The following ASH2L variants were observed in gnomAD, a reference collection of about 807,000 sequenced individuals.
The protein encoded by ASH2L is set1/Ash2 histone methyltransferase complex subunit ASH2.
ASH2L carries 30 observed loss-of-function variants against 81.1 expected under a neutral mutation model. The ratio of observed to expected loss-of-function variants is 0.37; its 90% CI spans 0.28 to 0.50. ASH2L has a LOEUF of 0.50. Among genes scored for constraint, ASH2L ranks in the 20% least tolerant of loss-of-function variants. ASH2L has a pLI of 0.95. For synonymous variants in ASH2L, 273 were observed against 279.9 expected (o/e 0.98, Z 0.24); for missense variants, 559 against 792.1 (o/e 0.71, Z 3.53).
At position 38,114,264 on chromosome 8, in the gene ASH2L, C is replaced by A; in HGVS notation, c.658C>A (p.Pro220Thr). Residue 220 changes from proline to threonine, a missense_variant, in exon 6 of 16, where the codon CCA becomes ACA. Pro to Thr is a conservative substitution (Grantham distance 38). Coordinates refer to ENST00000343823, the MANE Select transcript of ASH2L (RefSeq NM_004674.5). ...ACAGAGACCTGGGAAAATGACTTGG[C>A]CAAATAACATTGTTAAAACAATGGT... ...TRQRPGKMTW[P>T]NNIVKTMSKE... is the part of the protein sequence containing the mutation. 2 of 1,603,668 alleles carry A rather than the reference C, an allele frequency of 1.2e-6. No individual in the cohort carries two copies. Among genetic ancestry groups the A allele is most frequent in the Non-Finnish European group, 1.7e-6 (2 of 1,174,232 alleles).
chr8:38,110,255 T>G, intron 3 of ASH2L, 124 bp from the exon 4 acceptor site: 1 of 726,484 alleles, frequency 1.4e-6, no homozygotes, highest in Non-Finnish European at 2.4e-6. Flanking sequence ...AAGTCTGCAG[T>G]GAGCTATGAT....
Position 38,133,559 on chromosome 8 carries a change from C to G in ASH2L, c.1620+13C>G. ...TCCCCATAGTGAGGTGAGTCATGGC[C>G]ATAAGAACATTAGAATCATAAGGCC... On this transcript the variant is annotated intron_variant, in intron 13 of 15. Coordinates refer to ENST00000343823, the MANE Select transcript of ASH2L (RefSeq NM_004674.5). 6.3e-7 allele frequency: 1 copy of G among 1,576,128 alleles called. No homozygotes were observed. Among genetic ancestry groups the G allele is most frequent in the Middle Eastern group, 1.7e-4 (1 of 5,970 alleles).
At chr8:38,128,520 G>T in intron 11 of ASH2L, 62 bp downstream of exon 11, 6 of 1,574,252 alleles carry the variant, frequency 3.8e-6, no homozygotes, top group South Asian at 1.2e-5. Context: ...TCTGGCCAAG[G>T]GCTAAGGCTT....
In ASH2L at chr8:38,128,943, A is replaced by G; in HGVS notation, c.1519A>G (p.Lys507Glu). Reference sequence around the variant, plus strand: ...AGCCAAGTCATTGCCAGACACATACAAAGATAAGGTGAGTTTGTCCTCTCC... The same window carrying G: ...AGCCAAGTCATTGCCAGACACATACGAAGATAAGGTGAGTTTGTCCTCTCC... ...ETAKSLPDTY[K>E]DKALIKFKSY... The change falls in exon 12 of 16, where the codon AAA becomes GAA. Residue 507 changes from lysine to glutamate, a missense_variant. Lys to Glu is a moderately conservative substitution (Grantham distance 56). Transcript: ENST00000343823. The G allele has an allele frequency of 6.2e-7, 1 of 1,612,684 alleles. No homozygotes were observed.
chr8:38,138,778 C>T (rs370082315), intron 14 of ASH2L, 38 bp from the exon 15 acceptor site: 1 of 1,593,862 alleles, frequency 6.3e-7, no homozygotes, highest in Admixed American at 1.7e-5. Flanking sequence ...ATTTTTTGTC[C>T]ATTTTTTCCA....
intron 7 of ASH2L, among the ~76,000 whole-genome samples, chr8:38,115,958 G>T (rs950097131): frequency 6.6e-5 from 10 of 152,206 alleles, no homozygotes; most frequent in Non-Finnish European, 8.8e-5. Context: ...TGTGCATGGT[G>T]GCTCACGCCT....
At chr8:38,114,371 A>G (rs1419702411) in intron 6 of ASH2L, 84 bp downstream of exon 6, 2 of 858,634 alleles carry the variant, frequency 2.3e-6, no homozygotes, top group African/African-American at 3.5e-5. Flanking sequence ...CTCATTGTGA[A>G]ATGATAAAAT....
At chr8:38,115,139 A>G (rs1467984625) in intron 7 of ASH2L, 139 bp downstream of exon 7, 1 of 622,900 alleles carries the variant, frequency 1.6e-6, no homozygotes, top group African/African-American at 1.8e-5. Flanking sequence ...CCAAAAAAAT[A>G]GTGACTGATA....
intron 14 of ASH2L, among the ~76,000 whole-genome samples, chr8:38,136,565 AG>A (rs1802264869): frequency 6.6e-6 from 1 of 151,914 alleles, no homozygotes; most frequent in Non-Finnish European, 1.5e-5. Flanking sequence ...ACTTGAGGTC[AG>A]GGGTTCGAGA....
intron 9 of ASH2L, 142 bp from the exon 10 acceptor site, chr8:38,120,790 A>G: frequency 1.5e-6 from 1 of 668,334 alleles, no homozygotes; most frequent in Non-Finnish European, 2.6e-6. Context: ...GGGCAGAGTT[A>G]CTTATTTGAG....
intron 12 of ASH2L, among the ~76,000 whole-genome samples, chr8:38,132,713 C>T (rs1277090946): frequency 6.6e-6 from 1 of 151,846 alleles, no homozygotes; most frequent in Non-Finnish European, 1.5e-5. Flanking sequence ...ACAGGAGAAT[C>T]GCTTGAACCT....
chr8:38,128,549 C>A, intron 11 of ASH2L, 91 bp downstream of exon 11: 1 of 1,519,808 alleles, frequency 6.6e-7, no homozygotes, highest in Non-Finnish European at 8.8e-7. Context: ...TTGGGTTTAC[C>A]AGATTGTGGG....
intron 5 of ASH2L, among the ~76,000 whole-genome samples, chr8:38,111,939 C>G (rs1270502390): frequency 6.6e-6 from 1 of 152,180 alleles, no homozygotes; most frequent in Non-Finnish European, 1.5e-5. Context: ...CTTCTTTCTC[C>G]ATCCAGGATC....
chr8:38,129,873 A>G (rs978485646), intron 12 of ASH2L, among the ~76,000 whole-genome samples: 4 of 152,174 alleles, frequency 2.6e-5, no homozygotes, highest in Non-Finnish European at 4.4e-5. Context: ...TCCTACTGAC[A>G]GACACTTGGG....
At chr8:38,119,591 A>G (rs1245314212) in intron 9 of ASH2L, among the ~76,000 whole-genome samples, 2 of 152,100 alleles carry the variant, frequency 1.3e-5, no homozygotes, top group African/African-American at 4.8e-5. Context: ...GGATCACTTG[A>G]GGCCAGGAGT....
intron 1 of ASH2L, 173 bp downstream of exon 1, chr8:38,105,911 G>A (rs1231188344): frequency 1.4e-6 from 2 of 1,466,778 alleles, no homozygotes; most frequent in Non-Finnish European, 1.8e-6. Flanking sequence ...CTCGGATAAC[G>A]CCCCTTCCGC....
rs114469224 is a variant in ASH2L, at chr8:38,114,076, A to G, written c.586-116A>G. 1,942 of 642,676 alleles carry G rather than the reference A, an allele frequency of 3.0e-3. 29 individuals are homozygous for G. The African/African-American group carries it at 0.033, about 11-fold the overall frequency. The allele number at this position is 642,676 out of a possible 1,614,324, so 39.8% of individuals were successfully genotyped here. A position where few individuals can be genotyped will look rare whatever the true frequency, so the allele number is the denominator to read the frequency against. Reference sequence around the variant, plus strand: ...CTTGTATAACACCGTGGGGGGAAAAACTAACATGGATTTTTCTCTTGATTC... The same window carrying G: ...CTTGTATAACACCGTGGGGGGAAAAGCTAACATGGATTTTTCTCTTGATTC... On this transcript the variant is annotated intron_variant, in intron 5 of 15. Transcript: ENST00000343823.
chr8:38,119,052 A>G (rs998534220), intron 8 of ASH2L: 1 of 463,214 alleles, frequency 2.2e-6, no homozygotes, highest in South Asian at 2.6e-5. Flanking sequence ...ATAGTGCTGG[A>G]TTCATTTGAG....
At chr8:38,111,225 C>CT (rs1397197144) in intron 5 of ASH2L, among the ~76,000 whole-genome samples, 6 of 151,954 alleles carry the variant, frequency 3.9e-5, no homozygotes, top group Admixed American at 2.6e-4. Flanking sequence ...GCCACCGCAC[C>CT]TGGACTGTTG....
Sources: gnomAD v4.1 joint callset for allele counts (sites outside exome capture counted in the v4.1 genomes callset) on GRCh38, gnomAD v4.1.1 for gene constraint, MANE v1.5 for transcripts, NCBI Gene and HGNC (gene_info 2026-07-23, HGNC 2026-07-21) for gene names.